The following DGKD variants were observed in gnomAD, a reference collection of about 807,000 sequenced individuals.
DGKD encodes diacylglycerol kinase delta.
A neutral mutation model predicts 154.4 loss-of-function variants in DGKD; 68 were observed. That is an observed-to-expected ratio of 0.44 (90% CI 0.36 to 0.54). The LOEUF (loss-of-function observed/expected upper bound fraction) is 0.54. Ranked by LOEUF, DGKD falls within the 20% of genes least tolerant of loss-of-function variation. DGKD has a pLI of 0.00. For synonymous variants in DGKD, 693 were observed against 638.0 expected (o/e 1.09, Z -1.30); for missense variants, 1,343 against 1,593.6 (o/e 0.84, Z 2.68).
At chr2:233,447,552 T>G in intron 12 of DGKD, 1 of 985,700 alleles carries the variant, frequency 1.0e-6, no homozygotes, top group Non-Finnish European at 1.2e-6. Flanking sequence ...GAAGAGTGTG[T>G]GGGGGAAGCC....
At chr2:233,400,870 C>T (rs893948414) in intron 3 of DGKD, among the ~76,000 whole-genome samples, 13 of 152,148 alleles carry the variant, frequency 8.5e-5, no homozygotes, top group African/African-American at 3.1e-4. Context: ...CCTGATGCTA[C>T]ATGTTCAGTT....
rs974000667 is a variant in DGKD, at chr2:233,452,749, TG to T, written c.2264+691del. On this transcript the variant is annotated intron_variant, in intron 18 of 29. Transcript: ENST00000264057. The surrounding 1 kb of genome is among the most constrained non-coding windows in gnomAD (Gnocchi z 4.0). ...TATTGGAGTCCATTTTGGAGACAAG[TG>T]GTGTTTTGAAAACCTGTTTTTCTGC... Among the ~76,000 whole-genome samples, 7 of 152,228 alleles carry T rather than the reference TG, an allele frequency of 4.6e-5. No individual in the cohort carries two copies. Among genetic ancestry groups the T allele is most frequent in the African/African-American group, 1.7e-4 (7 of 41,456 alleles).
At chr2:233,371,639 C>G (rs1157556394) in intron 1 of DGKD, among the ~76,000 whole-genome samples, 1 of 152,202 alleles carries the variant, frequency 6.6e-6, no homozygotes, top group African/African-American at 2.4e-5. Context: ...TACCTATGTT[C>G]TTCCACGAGT....
intron 3 of DGKD, among the ~76,000 whole-genome samples, chr2:233,427,426 C>T (rs771490496): frequency 2.0e-5 from 3 of 150,978 alleles, no homozygotes; most frequent in Admixed American, 6.6e-5. Flanking sequence ...CTGCAACCTC[C>T]GCCTCCCAGG....
rs141447954 is a variant in DGKD, at chr2:233,367,579, A to G, written c.156+12905A>G. On this transcript the variant is annotated intron_variant, in intron 1 of 29. Transcript: ENST00000264057. ...ACCTCCATTACTTTTGTACCAACCT[A>G]ATAATCTTTCTGGATTTTTCTGATT... is the stretch of plus-strand genomic sequence containing the variant. Among the ~76,000 whole-genome samples the G allele has an allele frequency of 3.2e-3, 483 of 152,146 alleles. 1 individual carries two copies. Among genetic ancestry groups the G allele is most frequent in the African/African-American group, 0.011 (448 of 41,524 alleles).
Position 233,457,153 on chromosome 2 carries a change from G to A in DGKD, c.2473-68G>A. On this transcript the variant is annotated intron_variant, in intron 20 of 29. Coordinates refer to ENST00000264057, the MANE Select transcript of DGKD (RefSeq NM_152879.3). This position sits in a 1 kb window ranked among gnomAD's most constrained non-coding sequence, Gnocchi z 5.5. Reference sequence around the variant, plus strand: ...GCTCCTGAGCCCCTGGCGGTGGGAAGCTGGTAGAGAAGGAGGGGCTGACTC... The same window carrying A: ...GCTCCTGAGCCCCTGGCGGTGGGAAACTGGTAGAGAAGGAGGGGCTGACTC... 1 of 1,383,430 alleles carries A rather than the reference G, an allele frequency of 7.2e-7. No individual in the cohort carries two copies. The highest frequency in any genetic ancestry group is 9.9e-7 in the Non-Finnish European group (1 of 1,005,952). The allele number at this position is 1,383,430 out of a possible 1,614,324, so 85.7% of individuals were successfully genotyped here. A position where few individuals can be genotyped will look rare whatever the true frequency, so the allele number is the denominator to read the frequency against.
rs375413384 is a variant in DGKD at position 233,462,743 on chromosome 2, G to T, written c.3186+8G>T. 3 of 1,611,338 alleles carry T rather than the reference G, an allele frequency of 1.9e-6. No homozygotes were observed. The highest frequency in any genetic ancestry group is 2.7e-5 in the African/African-American group (2 of 74,900). ...TCTGGGAAGATGGCCCTGGTAAGCT[G>T]GTGCCCCAGGGACAGCAGGGCTCGG... is the stretch of plus-strand genomic sequence containing the variant. On this transcript the variant is annotated splice_region_variant and intron_variant, in intron 26 of 29. Coordinates refer to ENST00000264057, the MANE Select transcript of DGKD (RefSeq NM_152879.3).
Position 233,448,326 on chromosome 2 carries a change from A to C in DGKD, c.1565A>C (p.Tyr522Ser), listed in dbSNP as rs1329722452. 2 of 1,614,100 alleles carry C rather than the reference A, an allele frequency of 1.2e-6. No homozygotes were observed. ...KDFVARVGKA[Y>S]EKTTESSEES... ...TTCGTGGCACGGGTGGGGAAGGCCT[A>C]TGAGAAGACGACCGAGAGCTCGGAG... The change falls in exon 14 of 30, where the codon TAT (tyrosine) becomes TCT (serine). Residue 522 changes from tyrosine (Y) to serine (S), a missense_variant. By Grantham distance (144) the Tyr-to-Ser change is moderately radical. Coordinates refer to ENST00000264057, the MANE Select transcript of DGKD (RefSeq NM_152879.3).
rs1027428221 is a variant in DGKD at position 233,449,696 on chromosome 2, G to T, written c.1889-286G>T. 6.6e-6 allele frequency among the ~76,000 whole-genome samples: 1 copy of T among 152,114 alleles called. No homozygotes were observed. Among genetic ancestry groups the T allele is most frequent in the Admixed American group, 6.5e-5 (1 of 15,280 alleles). On this transcript the variant is annotated intron_variant, in intron 15 of 29. Coordinates refer to ENST00000264057, the MANE Select transcript of DGKD (RefSeq NM_152879.3). The surrounding 1 kb of genome is among the most constrained non-coding windows in gnomAD (Gnocchi z 5.3). The stretch of plus-strand genomic sequence containing the variant: ...CGCACACCTGCGTGTCCATGCAGCC[G>T]CTCCTCCCGCTTGCAGCCCTCCAGC...
At chr2:233,436,167 G>A in intron 6 of DGKD, 149 bp from the exon 7 acceptor site, 1 of 1,354,604 alleles carries the variant, frequency 7.4e-7, no homozygotes, top group East Asian at 2.3e-5. Context: ...GTACTTCACA[G>A]GCCCTGCCAT....
chr2:233,416,312 C>T (rs1390325372), intron 3 of DGKD, among the ~76,000 whole-genome samples: 1 of 152,182 alleles, frequency 6.6e-6, no homozygotes, highest in Non-Finnish European at 1.5e-5. Flanking sequence ...GTATTGAACA[C>T]ACAAACAGGC....
At chr2:233,443,382 T>G (rs1186967489) in intron 10 of DGKD, among the ~76,000 whole-genome samples, 1 of 152,204 alleles carries the variant, frequency 6.6e-6, no homozygotes, top group African/African-American at 2.4e-5. Flanking sequence ...GTGTGAGGAT[T>G]ATTGTTACAT....
intron 3 of DGKD, among the ~76,000 whole-genome samples, chr2:233,430,458 A>G (rs1379989098): frequency 1.3e-5 from 2 of 152,220 alleles, no homozygotes; most frequent in East Asian, 1.9e-4. Context: ...TGGAAAGGCA[A>G]AGGTGGAGAA....
chr2:233,454,173 T>C (rs1176594138), intron 18 of DGKD, among the ~76,000 whole-genome samples: 1 of 152,240 alleles, frequency 6.6e-6, no homozygotes, highest in Non-Finnish European at 1.5e-5. Context: ...ATGTCCACGC[T>C]AGAAGCTGTA....
At chr2:233,427,254 C>G (rs2062337142) in intron 3 of DGKD, among the ~76,000 whole-genome samples, 1 of 151,602 alleles carries the variant, frequency 6.6e-6, no homozygotes, top group African/African-American at 2.4e-5. Flanking sequence ...TGCTCCTTCT[C>G]TTGGTGGGAC....
intron 3 of DGKD, among the ~76,000 whole-genome samples, chr2:233,407,162 C>T (rs187036965): frequency 1.7e-3 from 262 of 152,302 alleles, no homozygotes; most frequent in African/African-American, 5.7e-3. Flanking sequence ...TTCTAATCTC[C>T]ACCACCAGTC....
Position 233,449,953 on chromosome 2 carries a change from G to A in DGKD, c.1889-29G>A, listed in dbSNP as rs752802051. ...AGCGCCCTTGGCTTTGCACCCGCGT[G>A]CTCAGCCGCACACACTCTCCTTGCA... On this transcript the variant is annotated intron_variant, in intron 15 of 29. Coordinates refer to ENST00000264057, the MANE Select transcript of DGKD (RefSeq NM_152879.3). The surrounding 1 kb of genome is among the most constrained non-coding windows in gnomAD (Gnocchi z 5.3). 12 of 1,551,576 alleles carry A rather than the reference G, an allele frequency of 7.7e-6. No individual in the cohort carries two copies. In the African/African-American group the frequency reaches 1.6e-4, roughly 21 times the overall value.
chr2:233,398,714 T>C (rs2061484658), intron 3 of DGKD, among the ~76,000 whole-genome samples: 1 of 152,230 alleles, frequency 6.6e-6, no homozygotes, highest in South Asian at 2.1e-4. Flanking sequence ...AACTTCCACC[T>C]TCTGGGTTCA....
In DGKD at chr2:233,457,663, G is replaced by C. The variant is rs781273028; in HGVS notation, c.2580+335G>C. On this transcript the variant is annotated intron_variant, in intron 21 of 29. Coordinates refer to ENST00000264057, the MANE Select transcript of DGKD (RefSeq NM_152879.3). The surrounding 1 kb of genome is among the most constrained non-coding windows in gnomAD (Gnocchi z 5.5). Reference sequence around the variant, plus strand: ...GGCTAAGTTAGGTGGGCAGAGGAGAGGGGGAGGCTGTTCCAGGCAGAGAGA... The same window carrying C: ...GGCTAAGTTAGGTGGGCAGAGGAGACGGGGAGGCTGTTCCAGGCAGAGAGA... 2.8e-5 allele frequency: 13 copies of C among 464,882 alleles called. No individual in the cohort carries two copies. Among genetic ancestry groups the C allele is most frequent in the South Asian group, 1.0e-4 (6 of 59,592 alleles). The allele number at this position is 464,882 out of a possible 1,614,324, so 28.8% of individuals were successfully genotyped here.
Sources: allele counts gnomAD v4.1 joint callset (sites outside exome capture counted in the v4.1 genomes callset), GRCh38; gene constraint gnomAD v4.1.1; non-coding constraint Gnocchi (gnomAD v3.1); transcripts MANE v1.5; gene names NCBI Gene and HGNC (gene_info 2026-07-23, HGNC 2026-07-21).